Variants in PPA1 observed in about 807,000 individuals in gnomAD.
The protein encoded by PPA1 is inorganic pyrophosphatase.
A neutral mutation model predicts 41.8 loss-of-function variants in PPA1; 23 were observed. That is an observed-to-expected ratio of 0.55 (90% CI 0.40 to 0.78). The LOEUF is 0.78. Ranked by LOEUF, PPA1 falls within the 30% of genes least tolerant of loss-of-function variation. PPA1 has a pLI of 0.00. For missense variants in PPA1, 320 were observed against 361.6 expected, an observed-to-expected ratio of 0.89 and a Z score of 0.93; for synonymous variants, 101 against 116.8, an observed-to-expected ratio of 0.86 and a Z score of 0.87.
At position 70,215,141 on chromosome 10, in the gene PPA1, G is replaced by C. The variant is rs188260970; in HGVS notation, c.298-555C>G. Among the ~76,000 whole-genome samples, 290 of 152,324 alleles carry C rather than the reference G, an allele frequency of 1.9e-3. 1 individual carries two copies. The highest frequency in any genetic ancestry group is 6.7e-3 in the African/African-American group (280 of 41,566). ...ACCCAGGAAGCAGAGGTTGCAGTGA[G>C]CCTAGATCATGCCACTGCACTCCAG... On this transcript the variant is annotated intron_variant, in intron 4 of 10. Transcript: ENST00000373232.
chr10:70,206,860 AGGAGAGGAGGGGAGGGGAGGGGAGG>A (rs1839947378), intron 8 of PPA1, among the ~76,000 whole-genome samples: 2 of 37,370 alleles, frequency 5.4e-5, no homozygotes, highest in Admixed American at 4.5e-4. Flanking sequence ...AGGAGAGGAG[AGGAGAGGAGGGGAGGGGAGGGGAGG>A]GGAGGGGAGG....
chr10:70,211,104 T>C (rs1294291132), intron 6 of PPA1, among the ~76,000 whole-genome samples: 1 of 152,226 alleles, frequency 6.6e-6, no homozygotes, highest in Non-Finnish European at 1.5e-5. Context: ...ATAGCATGCA[T>C]TCTATTATCA....
intron 6 of PPA1, 117 bp downstream of exon 6, chr10:70,213,346 G>C: frequency 1.6e-6 from 2 of 1,232,674 alleles, no homozygotes; most frequent in Non-Finnish European, 2.2e-6. Flanking sequence ...CCAGTGCTTT[G>C]TTCCTCCATC....
At chr10:70,211,553 G>GGACAGCAAA (rs1394835109) in intron 6 of PPA1, among the ~76,000 whole-genome samples, 1 of 152,044 alleles carries the variant, frequency 6.6e-6, no homozygotes, top group Non-Finnish European at 1.5e-5. Context: ...TACAACTCAG[G>GGACAGCAAA]GACAGCAAAT....
Position 70,203,098 on chromosome 10 carries a change from A to G in PPA1, c.*57T>C. ...TTGAAAAGCTACTACTTTTACTTCT[A>G]ATACATCCAGATGAACACGATGTAG... On this transcript the variant is annotated 3_prime_UTR_variant, in exon 11 of 11. Transcript: ENST00000373232. The G allele has an allele frequency of 6.6e-7, 1 of 1,519,712 alleles. No homozygotes were observed. Among genetic ancestry groups the G allele is most frequent in the Non-Finnish European group, 9.1e-7 (1 of 1,100,718 alleles). 94.1% of individuals were successfully genotyped at this position (1,519,712 alleles called of 1,614,324 possible).
rs188386746 is a variant in PPA1 at position 70,209,860 on chromosome 10, G to A, written c.512-175C>T. On this transcript the variant is annotated intron_variant, in intron 6 of 10. Transcript: ENST00000373232. Reference sequence around the variant, plus strand: ...CGGAAGTTCAAGATAACATTGGAGCGAAGCCCCTTGTTGAGAAGAGAAGCC... The same window carrying A: ...CGGAAGTTCAAGATAACATTGGAGCAAAGCCCCTTGTTGAGAAGAGAAGCC... 299 of 712,714 alleles carry A rather than the reference G, an allele frequency of 4.2e-4. 1 individual carries two copies. The African/African-American group carries it at 4.7e-3, about 11-fold the overall frequency. The allele number at this position is 712,714 out of a possible 1,614,324, so 44.1% of individuals were successfully genotyped here.
intron 2 of PPA1, among the ~76,000 whole-genome samples, chr10:70,220,949 ATATATAATATATATAATTTT>A (rs1564584446): frequency 3.0e-4 from 6 of 20,304 alleles, no homozygotes; most frequent in South Asian, 1.6e-3. Flanking sequence ...TATATAATTT[ATATATAATATATATAATTTT>A]TATATATATA....
intron 5 of PPA1, 115 bp downstream of exon 5, chr10:70,214,385 C>A: frequency 1.3e-6 from 1 of 795,250 alleles, no homozygotes; most frequent in South Asian, 1.8e-5. Flanking sequence ...ACCAAAGAGA[C>A]ATCATTATTT....
rs140752679 is a variant in PPA1 at position 70,230,340 on chromosome 10, C to T, written c.123+1G>A. The T allele has an allele frequency of 1.5e-4, 240 of 1,613,058 alleles. No homozygotes were observed. The highest frequency in any genetic ancestry group is 1.9e-4 in the Non-Finnish European group (222 of 1,179,480). ...TGTGTCCAAAAACAAGGATGCCTTA[C>T]CTTATCTGCATAAATTGGAATATCA... On this transcript the variant is annotated splice_donor_variant, in intron 2 of 10. Coordinates refer to ENST00000373232, the MANE Select transcript of PPA1 (RefSeq NM_021129.4). LOFTEE classifies it high-confidence loss of function.
rs1047003152 is a variant in PPA1, at chr10:70,205,246, G to A, written c.796-331C>T. The A allele has an allele frequency of 3.1e-5, 5 of 160,026 alleles. No individual in the cohort carries two copies. The East Asian group carries it at 5.3e-4, about 17-fold the overall frequency. 9.9% of individuals were successfully genotyped at this position (160,026 alleles called of 1,614,324 possible). On this transcript the variant is annotated intron_variant, in intron 9 of 10. Coordinates refer to ENST00000373232, the MANE Select transcript of PPA1 (RefSeq NM_021129.4). The stretch of plus-strand genomic sequence containing the variant: ...AAAAATAAAAGCTGGGCATGGTGGC[G>A]GGCACCTGTAATCCCAGCTGCTCGG...
intron 2 of PPA1, among the ~76,000 whole-genome samples, chr10:70,224,001 C>G (rs1026632201): frequency 6.6e-6 from 1 of 152,168 alleles, no homozygotes; most frequent in Admixed American, 6.5e-5. Flanking sequence ...GAAGTTAAGT[C>G]TCCCTAGAGG....
chr10:70,210,266 G>C (rs67336131), intron 6 of PPA1: 52,607 of 656,492 alleles, frequency 0.08, 3,260 homozygotes, highest in East Asian at 0.22. Flanking sequence ...TTGTAGAAAT[G>C]GGGTCTCGTC....
At chr10:70,216,818 A>G (rs1840086480) in intron 4 of PPA1, among the ~76,000 whole-genome samples, 1 of 152,212 alleles carries the variant, frequency 6.6e-6, no homozygotes, top group Admixed American at 6.5e-5. Flanking sequence ...ATCAAATAAG[A>G]ACCTACTACA....
chr10:70,210,914 C>G (rs964344273), intron 6 of PPA1, among the ~76,000 whole-genome samples: 1 of 151,980 alleles, frequency 6.6e-6, no homozygotes. Context: ...TACAGGTGCC[C>G]ACCACCATGC....
intron 5 of PPA1, among the ~76,000 whole-genome samples, 195 bp from the exon 6 acceptor site, chr10:70,213,784 T>C (rs974095232): frequency 7.3e-5 from 11 of 151,056 alleles, no homozygotes; most frequent in African/African-American, 2.7e-4. Flanking sequence ...ACAGGACTTA[T>C]AGGTCCTATT....
intron 5 of PPA1, 149 bp from the exon 6 acceptor site, chr10:70,213,738 T>C: frequency 1.1e-6 from 1 of 926,224 alleles, no homozygotes; most frequent in Non-Finnish European, 1.6e-6. Flanking sequence ...AAAACCTAAA[T>C]GAGTAAATGT....
chr10:70,213,586 A>G lies in PPA1; in HGVS notation c.388T>C (p.Cys130Arg), dbSNP rs1053696792. The G allele has an allele frequency of 6.2e-7, 1 of 1,613,510 alleles. No homozygotes were observed. Among genetic ancestry groups the G allele is most frequent in the South Asian group, 1.1e-5 (1 of 91,028 alleles). The change falls in exon 6 of 11, where the codon TGT (cysteine) becomes CGT (arginine). Residue 130 changes from cysteine (C) to arginine (R), a missense_variant. Coordinates refer to ENST00000373232, the MANE Select transcript of PPA1 (RefSeq NM_021129.4). Reference sequence around the variant, plus strand: ...ACGCCAATTATTTCACCTCTTGCACATACCTGAGAGTCAATAGCCAAAGTC... The same window carrying G: ...ACGCCAATTATTTCACCTCTTGCACGTACCTGAGAGTCAATAGCCAAAGTC... ...IDVCEIGSKV[C>R]ARGEIIGVKV...
intron 2 of PPA1, among the ~76,000 whole-genome samples, chr10:70,227,650 C>CAAAAA (rs11382289): frequency 1.3e-5 from 1 of 75,136 alleles, no homozygotes; most frequent in Non-Finnish European, 2.4e-5. Flanking sequence ...AACCCTATCT[C>CAAAAA]AAAAAAAAAA....
At chr10:70,215,516 G>A (rs557186186) in intron 4 of PPA1, among the ~76,000 whole-genome samples, 7 of 149,524 alleles carry the variant, frequency 4.7e-5, no homozygotes, top group Non-Finnish European at 8.9e-5. Flanking sequence ...TTGCTCTGTC[G>A]CCCAGACTGG....
Sources: allele counts gnomAD v4.1 joint callset (sites outside exome capture counted in the v4.1 genomes callset), GRCh38; gene constraint gnomAD v4.1.1; transcripts MANE v1.5; gene names NCBI Gene and HGNC (gene_info 2026-07-23, HGNC 2026-07-21).